TEK: variants seen among roughly 807,000 people sequenced by gnomAD.
TEK encodes TEK receptor tyrosine kinase.
In TEK, 43 loss-of-function variants were observed where a neutral mutation model predicts 131.8. The observed-to-expected ratio is 0.33, with a 90% confidence interval of 0.26 to 0.42. The LOEUF (loss-of-function observed/expected upper bound fraction) is 0.42. TEK is among the 10% of genes least tolerant of loss of function. The probability of loss-of-function intolerance (pLI) is 1.00; values close to 1 mark genes in which losing one functional copy is unlikely to be tolerated. For missense variants in TEK, 1,162 were observed against 1,384.4 expected (o/e 0.84, Z 2.55); for synonymous variants, 580 against 491.6 (o/e 1.18, Z -2.38).
At chr9:27,150,247 T>C (rs926092390) in intron 1 of TEK, among the ~76,000 whole-genome samples, 34 of 152,206 alleles carry the variant, frequency 2.2e-4, no homozygotes, top group African/African-American at 8.2e-4. Context: ...GGGCTGGCTC[T>C]ACCACTACCC....
intron 1 of TEK, among the ~76,000 whole-genome samples, chr9:27,121,347 A>T (rs1465906327): frequency 1.3e-5 from 2 of 152,060 alleles, no homozygotes; most frequent in African/African-American, 2.4e-5. Flanking sequence ...AATAAAAAAA[A>T]TAGCTTTGCT....
At chr9:27,145,764 C>T (rs141995094) in intron 1 of TEK, among the ~76,000 whole-genome samples, 2 of 152,154 alleles carry the variant, frequency 1.3e-5, no homozygotes, top group African/African-American at 4.8e-5. Context: ...AAACACAGTG[C>T]TTGGTGCTGG....
intron 1 of TEK, among the ~76,000 whole-genome samples, chr9:27,140,693 AC>A (rs1822693320): frequency 6.6e-6 from 1 of 152,024 alleles, no homozygotes; most frequent in Non-Finnish European, 1.5e-5. Context: ...TTTTTAGTCT[AC>A]TTTATCTGTC....
chr9:27,192,343 G>A (rs1824851657), intron 10 of TEK, 146 bp from the exon 11 acceptor site: 1 of 832,910 alleles, frequency 1.2e-6, no homozygotes, highest in African/African-American at 1.7e-5. Context: ...GGAAGGATGA[G>A]GCCTTGAAGA....
In TEK at chr9:27,173,114, T is replaced by C. The variant is rs544011007; in HGVS notation, c.761-108T>C. On this transcript the variant is annotated intron_variant, in intron 5 of 22. Transcript: ENST00000380036. ...CATCCTACCATGCCACAGCTGAGAT[T>C]TGACTGTTTCCCATATTCACTAGAC... is the stretch of plus-strand genomic sequence containing the variant. 3.9e-5 allele frequency: 57 copies of C among 1,449,306 alleles called. No individual in the cohort carries two copies. The African/African-American group carries it at 7.7e-4, about 20-fold the overall frequency. 89.8% of individuals were successfully genotyped at this position (1,449,306 alleles called of 1,614,324 possible). A position where few individuals can be genotyped will look rare whatever the true frequency, so the allele number is the denominator to read the frequency against.
chr9:27,157,907 C>T lies in TEK; in HGVS notation c.129C>T (p.Thr43=). ...TATCTGATGCTGAAACATCTCTCAC[C>T]TGCATTGCCTCTGGGTGGCGCCCCC... ...PLVSDAETSL[T]CIASGWRPHE... is the part of the protein sequence containing the mutation. Residue 43 remains threonine (T), a synonymous_variant, in exon 2 of 23, where the codon ACC becomes ACT. Transcript: ENST00000380036. The T allele has an allele frequency of 6.2e-7, 1 of 1,614,080 alleles. No homozygotes were observed. Among genetic ancestry groups the T allele is most frequent in the Admixed American group, 1.7e-5 (1 of 60,010 alleles).
chr9:27,213,885 G>T (rs903153365), intron 18 of TEK, among the ~76,000 whole-genome samples: 1 of 152,192 alleles, frequency 6.6e-6, no homozygotes, highest in Admixed American at 6.5e-5. Context: ...AGACCCCAAG[G>T]CATCTCACTC....
chr9:27,157,368 A>G (rs1823372799), intron 1 of TEK, among the ~76,000 whole-genome samples: 2 of 152,194 alleles, frequency 1.3e-5, no homozygotes, highest in South Asian at 2.1e-4. Context: ...GAATTGTGCA[A>G]TTCTTTAAAA....
rs1434692077 is a variant in TEK at position 27,169,594 on chromosome 9, T to A, written c.593T>A (p.Leu198His). 1 of 1,614,142 alleles carries A rather than the reference T, an allele frequency of 6.2e-7. No individual in the cohort carries two copies. Among genetic ancestry groups the A allele is most frequent in the Non-Finnish European group, 8.5e-7 (1 of 1,179,994 alleles). Residue 198 changes from leucine (L) to histidine (H), a missense_variant, in exon 4 of 23, where the codon CTC becomes CAC. Leu to His is a moderately conservative substitution (Grantham distance 99). Transcript: ENST00000380036. ...TCGGCCAGGTATATAGGAGGAAACC[T>A]CTTCACCTCGGCCTTCACCAGGCTG... ...VYSARYIGGNLFTSAFTRLIV... is the reference protein window; with the variant it reads ...VYSARYIGGNHFTSAFTRLIV...
chr9:27,205,742 T>G (rs1461466656), intron 14 of TEK, among the ~76,000 whole-genome samples: 1 of 152,176 alleles, frequency 6.6e-6, no homozygotes, highest in African/African-American at 2.4e-5. Context: ...TGAAAATGTA[T>G]CTAGTTTGTG....
At chr9:27,145,017 G>T (rs867761265) in intron 1 of TEK, among the ~76,000 whole-genome samples, 24 of 152,294 alleles carry the variant, frequency 1.6e-4, no homozygotes, top group African/African-American at 4.3e-4. Flanking sequence ...TGAAGAAAAT[G>T]TAAGTGGGGG....
At chr9:27,217,416 A>AG (rs1459874185) in intron 18 of TEK, among the ~76,000 whole-genome samples, 1 of 152,144 alleles carries the variant, frequency 6.6e-6, no homozygotes, top group African/African-American at 2.4e-5. Flanking sequence ...AGTGCCTCTG[A>AG]GGGCTATAAG....
chr9:27,120,763 T>C (rs760237552), intron 1 of TEK, among the ~76,000 whole-genome samples: 2 of 152,236 alleles, frequency 1.3e-5, no homozygotes, highest in Admixed American at 1.3e-4. Flanking sequence ...TGAGCTACTT[T>C]GAGACTGCAC....
At chr9:27,144,292 GA>G (rs1564057602) in intron 1 of TEK, among the ~76,000 whole-genome samples, 1 of 152,082 alleles carries the variant, frequency 6.6e-6, no homozygotes, top group Non-Finnish European at 1.5e-5. Context: ...AAAAAAAAAG[GA>G]AAAGGAGAAT....
Position 27,183,472 on chromosome 9 carries a change from G to A in TEK, c.1044G>A (p.Met348Ile), listed in dbSNP as rs781173340. Reference protein sequence around the residue: ...LQCEREGIQRMTPKIVDLPDH... With the variant: ...LQCEREGIQRITPKIVDLPDH... Reference sequence around the variant, plus strand: ...TTCTTCCTTCAGGCATACAGAGGATGACCCCAAAGATAGTGGATTTGCCAG... The same window carrying A: ...TTCTTCCTTCAGGCATACAGAGGATAACCCCAAAGATAGTGGATTTGCCAG... The change falls in exon 8 of 23, where the codon ATG (methionine) becomes ATA (isoleucine). Residue 348 changes from methionine (M) to isoleucine (I), a missense_variant. Met to Ile is a conservative substitution (Grantham distance 10, BLOSUM62 1). This residue lies in a region of TEK where 436 missense variants were observed against 539.1 expected (regional missense o/e 0.81). Coordinates refer to ENST00000380036, the MANE Select transcript of TEK (RefSeq NM_000459.5). 1.9e-6 allele frequency: 3 copies of A among 1,613,806 alleles called. No homozygotes were observed. The highest frequency in any genetic ancestry group is 2.5e-6 in the Non-Finnish European group (3 of 1,179,776).
At chr9:27,169,773 G>T in intron 4 of TEK, 144 bp downstream of exon 4, 1 of 1,170,020 alleles carries the variant, frequency 8.5e-7, no homozygotes, top group Non-Finnish European at 1.2e-6. Context: ...TTCTTATGCT[G>T]CAAAGCAAAT....
At chr9:27,217,026 C>G (rs958176041) in intron 18 of TEK, among the ~76,000 whole-genome samples, 3 of 152,148 alleles carry the variant, frequency 2.0e-5, no homozygotes, top group Non-Finnish European at 4.4e-5. Context: ...TTTTGCCTAG[C>G]CTGGGATCAG....
At chr9:27,109,996 C>T (rs1411570712) in intron 1 of TEK, among the ~76,000 whole-genome samples, 1 of 149,184 alleles carries the variant, frequency 6.7e-6, no homozygotes, top group Admixed American at 6.7e-5. Flanking sequence ...AAGAACAAAC[C>T]GGTTTTACCT....
intron 1 of TEK, among the ~76,000 whole-genome samples, chr9:27,146,521 C>A (rs927690279): frequency 6.6e-6 from 1 of 152,086 alleles, no homozygotes; most frequent in Admixed American, 6.5e-5. Context: ...TAAATGCAGT[C>A]GGACAGTAGG....
Sources: allele counts gnomAD v4.1 joint callset (sites outside exome capture counted in the v4.1 genomes callset), GRCh38; gene constraint gnomAD v4.1.1; regional missense constraint gnomAD v4.1.1; transcripts MANE v1.5; gene names NCBI Gene and HGNC (gene_info 2026-07-23, HGNC 2026-07-21).